The following MAST2 variants were observed in gnomAD, a reference collection of about 807,000 sequenced individuals.
MAST2 encodes microtubule-associated serine/threonine-protein kinase 2.
In MAST2, 70 loss-of-function variants were observed where a neutral mutation model predicts 147.4. The ratio of observed to expected loss-of-function variants is 0.47; its 90% confidence interval spans 0.39 to 0.58. MAST2 has a LOEUF of 0.58. Among genes scored for constraint, MAST2 ranks in the 20% least tolerant of loss-of-function variants. The pLI is 0.00. For synonymous variants in MAST2, 869 were observed against 896.8 expected (o/e 0.97, Z 0.55); for missense variants, 2,080 against 2,302.3 (o/e 0.90, Z 1.98).
intron 4 of MAST2, among the ~76,000 whole-genome samples, chr1:45,906,639 TG>T (rs1212509090): frequency 6.7e-6 from 1 of 148,360 alleles, no homozygotes; most frequent in African/African-American, 2.4e-5. Context: ...TTATTTTATA[TG>T]ATACAATTAT....
chr1:45,973,199 C>T (rs965504922), intron 5 of MAST2, among the ~76,000 whole-genome samples: 2 of 151,730 alleles, frequency 1.3e-5, no homozygotes, highest in African/African-American at 2.4e-5. Flanking sequence ...TTGGTGGTTT[C>T]GATACACCCG....
At chr1:45,899,309 T>TTTC (rs1553226682) in intron 4 of MAST2, among the ~76,000 whole-genome samples, 103 of 144,436 alleles carry the variant, frequency 7.1e-4, no homozygotes, top group African/African-American at 2.4e-3. Flanking sequence ...TTTCTTTTCT[T>TTTC]TTTTTTTTTT....
At chr1:45,928,038 G>A (rs1448230813) in intron 4 of MAST2, among the ~76,000 whole-genome samples, 1 of 152,058 alleles carries the variant, frequency 6.6e-6, no homozygotes, top group East Asian at 1.9e-4. Flanking sequence ...TCTGTTTCTA[G>A]AACTAGGAAA....
At chr1:45,804,319 A>G (rs1209131504) in intron 1 of MAST2, among the ~76,000 whole-genome samples, 1 of 152,092 alleles carries the variant, frequency 6.6e-6, no homozygotes, top group African/African-American at 2.4e-5. Flanking sequence ...GGGGTTCTGG[A>G]TGGGGCGAAA....
chr1:45,850,743 T>C (rs1645597863), intron 3 of MAST2, among the ~76,000 whole-genome samples: 1 of 152,092 alleles, frequency 6.6e-6, no homozygotes, highest in African/African-American at 2.4e-5. Flanking sequence ...TTGACTTTGC[T>C]AAAGATCAGA....
At chr1:45,990,089 T>G (rs1644802071) in intron 5 of MAST2, among the ~76,000 whole-genome samples, 1 of 152,172 alleles carries the variant, frequency 6.6e-6, no homozygotes, top group South Asian at 2.1e-4. Context: ...AAGTAAGTAA[T>G]TATTTAGAGC....
intron 9 of MAST2, 120 bp downstream of exon 9, chr1:46,008,491 A>G (rs1233331147): frequency 3.0e-6 from 2 of 672,868 alleles, no homozygotes; most frequent in Non-Finnish European, 5.3e-6. Flanking sequence ...AACCAAGAAG[A>G]AGAACAGAAA....
intron 4 of MAST2, among the ~76,000 whole-genome samples, chr1:45,908,896 G>T (rs768562942): frequency 1.5e-4 from 23 of 152,054 alleles, no homozygotes; most frequent in Non-Finnish European, 3.1e-4. Flanking sequence ...TTTCTTTCTT[G>T]CATTACATGT....
chr1:45,985,904 G>A (rs1409621456), intron 5 of MAST2, among the ~76,000 whole-genome samples: 1 of 152,166 alleles, frequency 6.6e-6, no homozygotes, highest in East Asian at 1.9e-4. Context: ...TTTACAGTAT[G>A]TATAAATGTA....
At position 46,031,639 on chromosome 1, in the gene MAST2, TA is replaced by T; in HGVS notation, c.3187+55del. ...CTCACAGGAAGGGCCTTGTAATCTC[TA>T]GGCCTTGGGAGGGTTCTGCACGTGG... On this transcript the variant is annotated intron_variant, in intron 24 of 28. Transcript: ENST00000361297. The surrounding 1 kb of genome is among the most constrained non-coding windows in gnomAD (Gnocchi z 4.1). 6.6e-7 allele frequency: 1 copy of T among 1,505,380 alleles called. No individual in the cohort carries two copies. The highest frequency in any genetic ancestry group is 9.1e-7 in the Non-Finnish European group (1 of 1,096,128). 93.3% of individuals were successfully genotyped at this position (1,505,380 alleles called of 1,614,324 possible).
chr1:45,916,102 C>T (rs985701174), intron 4 of MAST2, among the ~76,000 whole-genome samples: 1 of 152,216 alleles, frequency 6.6e-6, no homozygotes, highest in Non-Finnish European at 1.5e-5. Context: ...ATTGTGTACC[C>T]ACCTGAGAAG....
chr1:45,831,664 C>G (rs896669894), intron 3 of MAST2, among the ~76,000 whole-genome samples: 1 of 152,052 alleles, frequency 6.6e-6, no homozygotes, highest in Non-Finnish European at 1.5e-5. Flanking sequence ...TTTCCCGAAG[C>G]ATTTCAAAGC....
chr1:45,897,770 C>T (rs1648991492), intron 4 of MAST2, among the ~76,000 whole-genome samples: 1 of 151,646 alleles, frequency 6.6e-6, no homozygotes, highest in Non-Finnish European at 1.5e-5. Context: ...AATCACGCCG[C>T]TGCACTCCAG....
Position 45,931,790 on chromosome 1 carries a change from A to G in MAST2, c.501-27596A>G, listed in dbSNP as rs146190452. Among the ~76,000 whole-genome samples, 330 of 151,420 alleles carry G rather than the reference A, an allele frequency of 2.2e-3. 1 individual carries two copies. Among genetic ancestry groups the G allele is most frequent in the African/African-American group, 7.5e-3 (308 of 41,300 alleles). ...ATTACAGGTGTGAGCCACCATGCCC[A>G]GTCCCACCCCAGCCTCTTGAGGAGA... is the stretch of plus-strand genomic sequence containing the variant. On this transcript the variant is annotated intron_variant, in intron 4 of 28. Transcript: ENST00000361297.
At chr1:45,924,657 AGGC>A (rs1433623695) in intron 4 of MAST2, among the ~76,000 whole-genome samples, 23 of 152,214 alleles carry the variant, frequency 1.5e-4, no homozygotes, top group Non-Finnish European at 2.8e-4. Flanking sequence ...TAACTATTAT[AGGC>A]TGAATTATGT....
At chr1:46,027,197 AG>A (rs1400793829) in intron 16 of MAST2, among the ~76,000 whole-genome samples, 1 of 152,198 alleles carries the variant, frequency 6.6e-6, no homozygotes, top group Non-Finnish European at 1.5e-5. Context: ...GGCAGGGTAA[AG>A]CCTTCAGCAC....
chr1:45,882,641 A>AG (rs1313889244), intron 4 of MAST2, among the ~76,000 whole-genome samples: 2 of 152,212 alleles, frequency 1.3e-5, no homozygotes, highest in Non-Finnish European at 2.9e-5. Flanking sequence ...ATTCTGGGAA[A>AG]GTTACAACTT....
chr1:45,819,333 C>T (rs1280160900), intron 1 of MAST2, among the ~76,000 whole-genome samples: 1 of 151,280 alleles, frequency 6.6e-6, no homozygotes, highest in Admixed American at 6.6e-5. Flanking sequence ...ACGTTTGTAC[C>T]AACCTAGTAG....
intron 18 of MAST2, chr1:46,029,143 A>G: frequency 1.7e-6 from 1 of 581,764 alleles, no homozygotes; most frequent in Non-Finnish European, 3.0e-6. Flanking sequence ...TGTCTCTCAT[A>G]GACACCTGGT....
Sources: allele counts gnomAD v4.1 joint callset (sites outside exome capture counted in the v4.1 genomes callset), GRCh38; gene constraint gnomAD v4.1.1; non-coding constraint Gnocchi (gnomAD v3.1); transcripts MANE v1.5; gene names NCBI Gene and HGNC (gene_info 2026-07-23, HGNC 2026-07-21).